UBR4: variants seen among roughly 807,000 people sequenced by gnomAD.
UBR4 encodes ubiquitin protein ligase E3 component n-recognin 4, also known as E3 ubiquitin-protein ligase UBR4.
Under a neutral mutation model 575.6 loss-of-function variants are expected in UBR4, and 124 were observed. The observed-to-expected ratio is 0.22, with a 90% CI of 0.19 to 0.25. UBR4 has a LOEUF of 0.25. UBR4 is among the 10% of genes least tolerant of loss of function. The probability of loss-of-function intolerance (pLI) is 1.00; values close to 1 mark genes in which losing one functional copy is unlikely to be tolerated. For missense variants in UBR4, 4,818 were observed against 6,478.8 expected (o/e 0.74, Z 8.80); for synonymous variants, 2,455 against 2,473.7 (o/e 0.99, Z 0.22).
At chr1:19,078,957 A>T (rs2076225727) in intron 103 of UBR4, 1 of 152,170 alleles carries the variant, frequency 6.6e-6, no homozygotes, top group Admixed American at 6.5e-5. Flanking sequence ...CTACCACCCA[A>T]GCTCTACGGA....
intron 87 of UBR4, among the ~76,000 whole-genome samples, chr1:19,102,855 A>G (rs1266823403): frequency 1.3e-5 from 2 of 152,194 alleles, no homozygotes; most frequent in African/African-American, 4.8e-5. Context: ...CCCCAACCAA[A>G]TAACTGAGGA....
intron 65 of UBR4, 141 bp downstream of exon 65, chr1:19,124,400 G>A: frequency 1.8e-6 from 2 of 1,122,854 alleles, no homozygotes. Context: ...TGTTCCAGAA[G>A]GGCAAGACCA....
chr1:19,147,888 T>C (rs2085087253), intron 51 of UBR4, 105 bp downstream of exon 51: 5 of 1,488,992 alleles, frequency 3.4e-6, no homozygotes, highest in Admixed American at 1.9e-5. Flanking sequence ...CTGAATGCTA[T>C]CCTCCCTCTA....
Position 19,128,213 on chromosome 1 carries a change from T to G in UBR4, c.9109A>C (p.Lys3037Gln). ...ACAGTCTGCCTCTCAGATTTTACCT[T>G]TTTATCCATACCCAACTCAGCAATA... ...QLIAELGMDK[K>Q]DVSKKNERSA... The change falls in exon 62 of 106, where the codon AAG becomes CAG. Residue 3037 changes from lysine to glutamine, a missense_variant and splice_region_variant. Around this residue, in one of 29 missense-constraint regions of UBR4, gnomAD observed 550 missense variants for 791.5 expected, o/e 0.69. Transcript: ENST00000375254. 1 of 1,613,868 alleles carries G rather than the reference T, an allele frequency of 6.2e-7. No individual in the cohort carries two copies. Among genetic ancestry groups the G allele is most frequent in the Non-Finnish European group, 8.5e-7 (1 of 1,179,784 alleles).
At position 19,113,397 on chromosome 1, in the gene UBR4, GACCAGTA is replaced by G. The variant is rs149186452; in HGVS notation, c.11457+295_11457+301del. On this transcript the variant is annotated intron_variant, in intron 77 of 105. Transcript: ENST00000375254. ...AGAATCTTGGCATCAAATTTTTTAA[GACCAGTA>G]ACCCCTCTACTAAGAGATGGGTTGT... 8.8e-3 allele frequency: 3,281 copies of G among 373,110 alleles called. 99 individuals are homozygous for G. The highest frequency in any genetic ancestry group is 0.062 in the African/African-American group (3,027 of 49,084). The allele number at this position is 373,110 out of a possible 1,614,324, so 23.1% of individuals were successfully genotyped here.
At chr1:19,165,882 G>T in intron 29 of UBR4, 125 bp from the exon 30 acceptor site, 2 of 770,488 alleles carry the variant, frequency 2.6e-6, no homozygotes, top group South Asian at 1.9e-5. Flanking sequence ...ATTTTGTTTT[G>T]GCAAAGCTTA....
chr1:19,086,120 A>T, intron 101 of UBR4, 25 bp downstream of exon 101: 1 of 1,612,336 alleles, frequency 6.2e-7, no homozygotes, highest in Non-Finnish European at 8.5e-7. Flanking sequence ...CCTCCATTCC[A>T]CCATGAAAAA....
intron 60 of UBR4, among the ~76,000 whole-genome samples, chr1:19,129,730 CT>C (rs1291862266): frequency 1.3e-5 from 2 of 152,048 alleles, no homozygotes; most frequent in African/African-American, 4.8e-5. Flanking sequence ...GTATGTGCCC[CT>C]GGATCTCTAG....
At chr1:19,203,375 C>A (rs1205734252) in intron 1 of UBR4, among the ~76,000 whole-genome samples, 1 of 152,084 alleles carries the variant, frequency 6.6e-6, no homozygotes, top group Non-Finnish European at 1.5e-5. Flanking sequence ...GTGGCACCCA[C>A]CTGTAGTCCC....
intron 78 of UBR4, 66 bp downstream of exon 78, chr1:19,112,458 G>T (rs1007818450): frequency 5.2e-6 from 8 of 1,525,082 alleles, no homozygotes; most frequent in Non-Finnish European, 7.1e-6. Flanking sequence ...ACTCTCTAAC[G>T]CTCCTGGCAT....
chr1:19,120,646 A>T (rs1007958881), intron 68 of UBR4, among the ~76,000 whole-genome samples: 33 of 152,224 alleles, frequency 2.2e-4, no homozygotes, highest in African/African-American at 7.7e-4. Context: ...GCTGGCACTG[A>T]ACAAATACAG....
Position 19,198,550 on chromosome 1 carries a change from T to C in UBR4, c.639A>G (p.Thr213=), listed in dbSNP as rs748706903. The C allele has an allele frequency of 1.2e-6, 2 of 1,614,042 alleles. No homozygotes were observed. Among genetic ancestry groups the C allele is most frequent in the South Asian group, 2.2e-5 (2 of 91,056 alleles). Residue 213 remains threonine, a synonymous_variant, in exon 5 of 106, where the codon ACA becomes ACG. Transcript: ENST00000375254. ...GACTAAAGAAACTCACCAGAGTCTG[T>C]GTACTGATAGGTTGTGATGCTACAG... is the stretch of plus-strand genomic sequence containing the variant. ...PRTVASQPIS[T]QTLVEGENDE... is the part of the protein sequence containing the mutation.
chr1:19,151,561 A>C (rs766969181), intron 48 of UBR4, 82 bp downstream of exon 48: 33 of 1,438,152 alleles, frequency 2.3e-5, no homozygotes, highest in Non-Finnish European at 3.2e-5. Context: ...AGATCCCAGA[A>C]TGTTGGACAG....
chr1:19,202,764 C>T (rs992290840), intron 1 of UBR4, among the ~76,000 whole-genome samples: 1 of 152,132 alleles, frequency 6.6e-6, no homozygotes, highest in South Asian at 2.1e-4. Context: ...AAATCAGGTG[C>T]TAATCCACAA....
Position 19,139,273 on chromosome 1 carries a change from C to CAAACAAA in UBR4, c.8594-60_8594-54dup. 6.5e-7 allele frequency: 1 copy of CAAACAAA among 1,528,256 alleles called. No individual in the cohort carries two copies. Among genetic ancestry groups the CAAACAAA allele is most frequent in the East Asian group, 2.3e-5 (1 of 42,764 alleles). 94.7% of individuals were successfully genotyped at this position (1,528,256 alleles called of 1,614,324 possible). A position where few individuals can be genotyped will look rare whatever the true frequency, so the allele number is the denominator to read the frequency against. On this transcript the variant is annotated intron_variant, in intron 58 of 105. Coordinates refer to ENST00000375254, the MANE Select transcript of UBR4 (RefSeq NM_020765.3). The surrounding 1 kb of genome is among the most constrained non-coding windows in gnomAD (Gnocchi z 4.2). ...GTTAAAAAACAAACAAACAAACAAA[C>CAAACAAA]AAACAAAAAACAAAAAAAACCCCTC...
chr1:19,145,081 T>A (rs757471802), intron 53 of UBR4, among the ~76,000 whole-genome samples, 174 bp from the exon 54 acceptor site: 8 of 152,216 alleles, frequency 5.3e-5, no homozygotes, highest in Non-Finnish European at 1.0e-4. Flanking sequence ...TTATGATTTG[T>A]TTCATTAACA....
At position 19,145,939 on chromosome 1, in the gene UBR4, C is replaced by A. The variant is rs752989817; in HGVS notation, c.7805-6G>T. The A allele has an allele frequency of 1.2e-6, 2 of 1,613,094 alleles. No homozygotes were observed. The highest frequency in any genetic ancestry group is 2.7e-5 in the African/African-American group (2 of 74,858). ...CTTCCCTTCATCCATTCCTTCTAAG[C>A]AGGAGAAAGAAAATTATCAACGATG... On this transcript the variant is annotated splice_region_variant and splice_polypyrimidine_tract_variant and intron_variant, in intron 52 of 105. Coordinates refer to ENST00000375254, the MANE Select transcript of UBR4 (RefSeq NM_020765.3).
chr1:19,170,815 C>T lies in UBR4; in HGVS notation c.3590G>A (p.Gly1197Asp), dbSNP rs1303428017. 6 of 1,614,172 alleles carry T rather than the reference C, an allele frequency of 3.7e-6. No homozygotes were observed. Among genetic ancestry groups the T allele is most frequent in the Non-Finnish European group, 5.1e-6 (6 of 1,180,032 alleles). Reference sequence around the variant, plus strand: ...GCCAATAGCCAAAACAGCAGCAAAGCCTTGCAGTTTCTCCTTGGAAGGTTT... The same window carrying T: ...GCCAATAGCCAAAACAGCAGCAAAGTCTTGCAGTTTCTCCTTGGAAGGTTT... Reference protein sequence around the residue: ...TEKPSKEKLQGFAAVLAIGSS... With the variant: ...TEKPSKEKLQDFAAVLAIGSS... Residue 1197 changes from glycine to aspartate, a missense_variant, in exon 26 of 106, where the codon GGC (glycine) becomes GAC (aspartate). Gly to Asp is a moderately conservative substitution (Grantham distance 94). Around this residue, in one of 29 missense-constraint regions of UBR4, gnomAD observed 1,172 missense variants for 1,259.7 expected, o/e 0.93. Coordinates refer to ENST00000375254, the MANE Select transcript of UBR4 (RefSeq NM_020765.3).
chr1:19,076,925 A>G (rs374557714), intron 104 of UBR4, 23 bp from the exon 105 acceptor site: 66 of 1,529,434 alleles, frequency 4.3e-5, no homozygotes, highest in Non-Finnish European at 5.1e-5. Context: ...ACAGGAGACA[A>G]GAGAGGTGGG....
Sources: gnomAD v4.1 joint callset for allele counts (sites outside exome capture counted in the v4.1 genomes callset) on GRCh38, gnomAD v4.1.1 for gene constraint, gnomAD v4.1.1 regional missense constraint, Gnocchi (gnomAD v3.1) non-coding constraint, MANE v1.5 for transcripts, NCBI Gene and HGNC (gene_info 2026-07-23, HGNC 2026-07-21) for gene names.